CD6: variants seen among roughly 807,000 people sequenced by gnomAD.
CD6 encodes the protein CD6 molecule, also known as T-cell differentiation antigen CD6.
In CD6, 53 loss-of-function variants were observed where a neutral mutation model predicts 75.3. That is an observed-to-expected ratio of 0.70 (90% CI 0.56 to 0.88). The LOEUF (loss-of-function observed/expected upper bound fraction) is 0.88. Among genes scored for constraint, CD6 ranks in the 40% least tolerant of loss-of-function variants. The pLI is 0.00. For missense variants in CD6, 770 were observed against 897.1 expected (o/e 0.86, Z 1.81); for synonymous variants, 359 against 381.5 (o/e 0.94, Z 0.69).
chr11:61,013,661 C>T (rs907025213), intron 7 of CD6, 98 bp downstream of exon 7: 1 of 1,351,222 alleles, frequency 7.4e-7, no homozygotes, highest in African/African-American at 1.4e-5. Flanking sequence ...GACCACCCGG[C>T]CCTGGCCCTG....
intron 9 of CD6, chr11:61,016,753 C>T (rs1273361330): frequency 2.0e-5 from 3 of 152,260 alleles, no homozygotes; most frequent in Non-Finnish European, 4.4e-5. Flanking sequence ...CAGCTGTGTC[C>T]AGATAAAAGC....
chr11:60,977,175 T>C, intron 1 of CD6, among the ~76,000 whole-genome samples: 1 of 152,264 alleles, frequency 6.6e-6, no homozygotes, highest in South Asian at 2.1e-4. Flanking sequence ...ATTTATTATA[T>C]TTATAGAACA....
At chr11:61,006,158 T>C (rs1477092610) in intron 1 of CD6, among the ~76,000 whole-genome samples, 1 of 152,166 alleles carries the variant, frequency 6.6e-6, no homozygotes, top group Non-Finnish European at 1.5e-5. Flanking sequence ...TTCGAGCTTT[T>C]TCTATATGTC....
Position 61,019,417 on chromosome 11 carries a change from A to G in CD6, c.*99A>G. The stretch of plus-strand genomic sequence containing the variant: ...TCCCACCCTCCCAGCTCACCTCCCC[A>G]TGGAGCTGAGAGGCCTCCCTTGGAG... On this transcript the variant is annotated 3_prime_UTR_variant, in exon 13 of 13. Transcript: ENST00000313421. The G allele has an allele frequency of 2.2e-6, 2 of 895,652 alleles. No homozygotes were observed. Among genetic ancestry groups the G allele is most frequent in the Middle Eastern group, 2.2e-4 (1 of 4,482 alleles). The allele number at this position is 895,652 out of a possible 1,614,324, so 55.5% of individuals were successfully genotyped here. A position where few individuals can be genotyped will look rare whatever the true frequency, so the allele number is the denominator to read the frequency against.
chr11:61,015,896 G>C, intron 9 of CD6, 61 bp downstream of exon 9: 1 of 1,598,478 alleles, frequency 6.3e-7, no homozygotes, highest in African/African-American at 1.3e-5. Flanking sequence ...GGGCCCCGAG[G>C]GGACCGTCAG....
Position 61,015,440 on chromosome 11 carries a change from G to A in CD6, c.1388-273G>A, listed in dbSNP as rs188400192. 326 of 381,194 alleles carry A rather than the reference G, an allele frequency of 8.6e-4. 2 individuals are homozygous for A. The highest frequency in any genetic ancestry group is 2.0e-3 in the Middle Eastern group (3 of 1,538). The allele number at this position is 381,194 out of a possible 1,614,324, so 23.6% of individuals were successfully genotyped here. A position where few individuals can be genotyped will look rare whatever the true frequency, so the allele number is the denominator to read the frequency against. ...TCAAAAATTAGCTGGGCGTGATGGT[G>A]CATGCCTGTGGTCCCAGCTACTCGG... is the stretch of plus-strand genomic sequence containing the variant. On this transcript the variant is annotated intron_variant, in intron 8 of 12. Coordinates refer to ENST00000313421, the MANE Select transcript of CD6 (RefSeq NM_006725.5).
intron 1 of CD6, among the ~76,000 whole-genome samples, chr11:60,990,202 T>C (rs529643340): frequency 6.6e-6 from 1 of 152,306 alleles, no homozygotes; most frequent in East Asian, 1.9e-4. Context: ...CATACAGAAA[T>C]GCATTGAGAA....
chr11:61,017,334 G>A (rs1403133243), intron 9 of CD6, 145 bp from the exon 10 acceptor site: 1 of 643,480 alleles, frequency 1.6e-6, no homozygotes, highest in Non-Finnish European at 2.8e-6. Context: ...GAATTTGATG[G>A]GAAATGCTAA....
chr11:60,996,271 C>T (rs2036906274), intron 1 of CD6, among the ~76,000 whole-genome samples: 1 of 152,206 alleles, frequency 6.6e-6, no homozygotes, highest in Admixed American at 6.5e-5. Context: ...TGGGGCCTCC[C>T]CTTTCCCTAT....
At chr11:61,000,860 C>G (rs1858550317) in intron 1 of CD6, among the ~76,000 whole-genome samples, 1 of 152,178 alleles carries the variant, frequency 6.6e-6, no homozygotes, top group South Asian at 2.1e-4. Flanking sequence ...TCCCACTACC[C>G]CATTGGAGGT....
intron 4 of CD6, 148 bp from the exon 5 acceptor site, chr11:61,009,424 G>A (rs1859034285): frequency 2.8e-6 from 2 of 720,926 alleles, no homozygotes; most frequent in South Asian, 1.9e-5. Flanking sequence ...TGGGGCAGGT[G>A]ACAGGGGGAC....
At chr11:60,986,003 A>T (rs1857799541) in intron 1 of CD6, among the ~76,000 whole-genome samples, 2 of 152,180 alleles carry the variant, frequency 1.3e-5, no homozygotes, top group African/African-American at 4.8e-5. Context: ...GAAGGATTTG[A>T]CAGGCCCAGC....
At chr11:61,013,320 A>T in intron 6 of CD6, 103 bp from the exon 7 acceptor site, 1 of 1,315,536 alleles carries the variant, frequency 7.6e-7, no homozygotes. Flanking sequence ...GGAGGAAGAT[A>T]ACATAAAAAG....
At position 61,018,213 on chromosome 11, in the gene CD6, C is replaced by T. The variant is rs1859513349; in HGVS notation, c.1838-76C>T. ...CTAGGGACTTGGCTCTCGTGAGTCA[C>T]GTGGGCCCCCCAGCTCTGGCAACTT... On this transcript the variant is annotated intron_variant, in intron 11 of 12. Coordinates refer to ENST00000313421, the MANE Select transcript of CD6 (RefSeq NM_006725.5). The T allele has an allele frequency of 7.3e-6, 10 of 1,365,886 alleles. No homozygotes were observed. In the South Asian group the frequency reaches 8.2e-5, roughly 11 times the overall value. The allele number at this position is 1,365,886 out of a possible 1,614,324, so 84.6% of individuals were successfully genotyped here. A position where few individuals can be genotyped will look rare whatever the true frequency, so the allele number is the denominator to read the frequency against.
chr11:61,018,424 G>T (rs1157627975), intron 12 of CD6, 31 bp downstream of exon 12: 1 of 1,518,754 alleles, frequency 6.6e-7, no homozygotes, highest in East Asian at 2.4e-5. Context: ...GATGTGGGAG[G>T]GGGACAGAGA....
chr11:60,976,732 T>G (rs931893398), intron 1 of CD6, among the ~76,000 whole-genome samples: 11 of 152,310 alleles, frequency 7.2e-5, no homozygotes, highest in Non-Finnish European at 1.6e-4. Flanking sequence ...TGGATGCGCT[T>G]GTGCCCTTTT....
At chr11:61,010,422 G>A (rs546048747) in intron 5 of CD6, among the ~76,000 whole-genome samples, 4 of 152,180 alleles carry the variant, frequency 2.6e-5, no homozygotes, top group South Asian at 2.1e-4. Flanking sequence ...ACCACCAAAC[G>A]TAATGACTGA....
At position 60,977,098 on chromosome 11, in the gene CD6, G is replaced by T. The variant is rs896104292; in HGVS notation, c.49+5184G>T. Among the ~76,000 whole-genome samples the T allele has an allele frequency of 2.0e-5, 3 of 152,184 alleles. No individual in the cohort carries two copies. In the East Asian group the frequency reaches 5.8e-4, roughly 29 times the overall value. ...GTGCTGGAGCTCGAACTTTACAGAGGGATCTAGAATGAGTGAGAAATGCTG... is the reference window on the plus strand; with the variant it reads ...GTGCTGGAGCTCGAACTTTACAGAGTGATCTAGAATGAGTGAGAAATGCTG... On this transcript the variant is annotated intron_variant, in intron 1 of 12. Transcript: ENST00000313421.
chr11:61,018,739 G>A, intron 12 of CD6: 1 of 314,486 alleles, frequency 3.2e-6, no homozygotes, highest in East Asian at 5.7e-5. Flanking sequence ...GATCGTGTGA[G>A]CCCAGGAGAT....
Sources: allele counts gnomAD v4.1 joint callset (sites outside exome capture counted in the v4.1 genomes callset), GRCh38; gene constraint gnomAD v4.1.1; transcripts MANE v1.5; gene names NCBI Gene and HGNC (gene_info 2026-07-23, HGNC 2026-07-21).